WDTC1: variants seen among roughly 807,000 people sequenced by gnomAD.
WDTC1 encodes WD and tetratricopeptide repeats 1, also known as WD and tetratricopeptide repeats protein 1.
Under a neutral mutation model 76.0 loss-of-function variants are expected in WDTC1, and 12 were observed. The ratio of observed to expected loss-of-function variants is 0.16; its 90% CI spans 0.10 to 0.26. WDTC1 has a LOEUF of 0.26. Among genes scored for constraint, WDTC1 ranks in the 10% least tolerant of loss-of-function variants. WDTC1 has a pLI of 1.00. For missense variants in WDTC1, 511 were observed against 908.8 expected (o/e 0.56, Z 5.63); for synonymous variants, 326 against 350.8 (o/e 0.93, Z 0.79).
intron 3 of WDTC1, among the ~76,000 whole-genome samples, chr1:27,270,447 C>T (rs943560177): frequency 1.3e-5 from 2 of 152,296 alleles, no homozygotes; most frequent in South Asian, 2.1e-4. Flanking sequence ...AATCCCAGCA[C>T]TTTGGAGGGC....
At chr1:27,269,619 C>T (rs201782258) in intron 3 of WDTC1, among the ~76,000 whole-genome samples, 349 of 20,364 alleles carry the variant, frequency 0.017, 2 homozygotes, top group South Asian at 0.047. Flanking sequence ...TTTTTTTTTT[C>T]GGTTTTTTTT....
At chr1:27,285,019 G>A (rs1003338605) in intron 5 of WDTC1, among the ~76,000 whole-genome samples, 111 of 144,052 alleles carry the variant, frequency 7.7e-4, no homozygotes, top group Non-Finnish European at 9.9e-4. Flanking sequence ...ATTTCATCTA[G>A]ACCTTGGTCT....
intron 2 of WDTC1, 113 bp downstream of exon 2, chr1:27,261,215 G>T: frequency 8.3e-7 from 1 of 1,206,684 alleles, no homozygotes. Flanking sequence ...AAGTCACGTA[G>T]CTAGTTAGTG....
At chr1:27,284,577 G>A (rs143287921) in intron 5 of WDTC1, among the ~76,000 whole-genome samples, 1 of 152,222 alleles carries the variant, frequency 6.6e-6, no homozygotes, top group African/African-American at 2.4e-5. Context: ...TTCTTCCCCT[G>A]CAAAGAGTTT....
chr1:27,280,335 C>T (rs2013154889), intron 3 of WDTC1, among the ~76,000 whole-genome samples: 1 of 152,186 alleles, frequency 6.6e-6, no homozygotes, highest in Admixed American at 6.5e-5. Context: ...ATCATTCTGA[C>T]TTTAAGACAA....
At chr1:27,289,024 G>A (rs1477655839) in intron 6 of WDTC1, among the ~76,000 whole-genome samples, 1 of 145,642 alleles carries the variant, frequency 6.9e-6, no homozygotes, top group Non-Finnish European at 1.5e-5. Context: ...GGCTGGCTGG[G>A]CGGGGGGCTG....
chr1:27,289,732 C>T (rs1462296507), intron 6 of WDTC1, among the ~76,000 whole-genome samples: 4 of 151,828 alleles, frequency 2.6e-5, no homozygotes, highest in East Asian at 3.9e-4. Context: ...TCTGCAATCC[C>T]GGCACCTCGG....
At position 27,306,119 on chromosome 1, in the gene WDTC1, CT is replaced by C; in HGVS notation, c.1837-66del. On this transcript the variant is annotated intron_variant, in intron 15 of 15. Transcript: ENST00000319394. This position sits in a 1 kb window ranked among gnomAD's most constrained non-coding sequence, Gnocchi z 5.0. Reference sequence around the variant, plus strand: ...GTCTGTGTATTTCCCTCCCCCTCCCCTATACGTGTACCCTGGTGCCTCTCCC... The same window carrying C: ...GTCTGTGTATTTCCCTCCCCCTCCCCATACGTGTACCCTGGTGCCTCTCCC... The C allele has an allele frequency of 6.3e-7, 1 of 1,576,448 alleles. No individual in the cohort carries two copies. Among genetic ancestry groups the C allele is most frequent in the Non-Finnish European group, 8.7e-7 (1 of 1,149,164 alleles).
At chr1:27,236,166 T>TGGAAC (rs2011487177) in intron 1 of WDTC1, among the ~76,000 whole-genome samples, 1 of 152,230 alleles carries the variant, frequency 6.6e-6, no homozygotes, top group Admixed American at 6.5e-5. Context: ...TCTTGAGTTC[T>TGGAAC]GGCTTATTCT....
intron 2 of WDTC1, among the ~76,000 whole-genome samples, chr1:27,262,011 C>A (rs2012490719): frequency 6.6e-6 from 1 of 151,684 alleles, no homozygotes; most frequent in Admixed American, 6.6e-5. Flanking sequence ...CTCAGTGCGA[C>A]CTCCACCTCC....
chr1:27,244,824 G>A (rs1233069052), intron 1 of WDTC1, among the ~76,000 whole-genome samples: 1 of 152,166 alleles, frequency 6.6e-6, no homozygotes, highest in Non-Finnish European at 1.5e-5. Context: ...TGTCACCCTG[G>A]TTGGGGGCAC....
At chr1:27,286,004 T>G (rs1160126529) in intron 5 of WDTC1, among the ~76,000 whole-genome samples, 10 of 141,272 alleles carry the variant, frequency 7.1e-5, no homozygotes, top group South Asian at 2.4e-4. Context: ...TGGTTTTTTT[T>G]TTTTTTTTTT....
chr1:27,238,332 A>G lies in WDTC1; in HGVS notation c.-100+3381A>G, dbSNP rs2011535568. On this transcript the variant is annotated intron_variant, in intron 1 of 15. Coordinates refer to ENST00000319394, the MANE Select transcript of WDTC1 (RefSeq NM_001276252.2). ...AACTGGATGTTCTCTGTGATTCTAG[A>G]AGGCATCTCAGGATTAAATGACATA... is the stretch of plus-strand genomic sequence containing the variant. Among the ~76,000 whole-genome samples the G allele has an allele frequency of 1.3e-5, 2 of 152,206 alleles. 1 individual carries two copies. The highest frequency in any genetic ancestry group is 3.8e-4 in the East Asian group (2 of 5,206).
chr1:27,291,624 C>A (rs761805853), intron 6 of WDTC1, among the ~76,000 whole-genome samples: 1 of 152,126 alleles, frequency 6.6e-6, no homozygotes, highest in Non-Finnish European at 1.5e-5. Context: ...ACCTTTACTG[C>A]GTGGATGAGA....
At chr1:27,240,035 C>T (rs541718183) in intron 1 of WDTC1, among the ~76,000 whole-genome samples, 3 of 151,682 alleles carry the variant, frequency 2.0e-5, no homozygotes, top group South Asian at 2.1e-4. Flanking sequence ...ATTATAGGTG[C>T]GCGCCACCAT....
chr1:27,244,191 C>T (rs897480046), intron 1 of WDTC1, among the ~76,000 whole-genome samples: 4 of 150,670 alleles, frequency 2.7e-5, no homozygotes, highest in African/African-American at 4.9e-5. Flanking sequence ...GATGAAGAGA[C>T]GTAAGAGGTA....
chr1:27,296,789 T>TAGCCCCAGCCCCAGCCCC lies in WDTC1; in HGVS notation c.950-242_950-241insCAGCCCCAGCCCCAGCCC, dbSNP rs1204663142. Among the ~76,000 whole-genome samples the TAGCCCCAGCCCCAGCCCC allele has an allele frequency of 3.2e-3, 78 of 24,326 alleles. 2 individuals carry two copies. Among genetic ancestry groups the TAGCCCCAGCCCCAGCCCC allele is most frequent in the Non-Finnish European group, 4.0e-3 (50 of 12,364 alleles). The allele number at this position is 24,326 out of a possible 152,430, so 16.0% of individuals were successfully genotyped here. On this transcript the variant is annotated intron_variant, in intron 10 of 15. Transcript: ENST00000319394. ...CCAGCCCTAGCCCCAGCCCCAACCC[T>TAGCCCCAGCCCCAGCCCC]AGCCCCAGCCCCAGCCCTAGCCCCA...
At chr1:27,273,369 C>T (rs1057218877) in intron 3 of WDTC1, among the ~76,000 whole-genome samples, 5 of 151,840 alleles carry the variant, frequency 3.3e-5, no homozygotes, top group African/African-American at 4.8e-5. Context: ...CCACCACGCC[C>T]GGCTAATTTT....
chr1:27,286,060 C>T (rs2013326424), intron 5 of WDTC1, among the ~76,000 whole-genome samples: 1 of 125,130 alleles, frequency 8.0e-6, no homozygotes, highest in Non-Finnish European at 1.6e-5. Flanking sequence ...TGCTGGAGTG[C>T]AGTGATGCCA....
Sources: allele counts gnomAD v4.1 joint callset (sites outside exome capture counted in the v4.1 genomes callset), GRCh38; gene constraint gnomAD v4.1.1; non-coding constraint Gnocchi (gnomAD v3.1); transcripts MANE v1.5; gene names NCBI Gene and HGNC (gene_info 2026-07-23, HGNC 2026-07-21).